Variants in FERMT2 observed in about 807,000 individuals in gnomAD.
FERMT2 encodes the protein FERM domain containing kindlin 2.
A neutral mutation model predicts 82.7 loss-of-function variants in FERMT2; 15 were observed. The observed-to-expected ratio is 0.18, with a 90% CI of 0.12 to 0.28. The LOEUF is 0.28. Ranked by LOEUF, FERMT2 falls within the 10% of genes least tolerant of loss-of-function variation. The pLI is 1.00. For missense variants in FERMT2, 645 were observed against 809.4 expected (o/e 0.80, Z 2.46); for synonymous variants, 274 against 271.5 (o/e 1.01, Z -0.09).
chr14:52,913,022 C>G (rs1405339378), intron 3 of FERMT2, among the ~76,000 whole-genome samples: 1 of 152,166 alleles, frequency 6.6e-6, no homozygotes, highest in East Asian at 1.9e-4. Context: ...TGATTTTGAT[C>G]CTTGAATGAA....
At chr14:52,938,198 A>G (rs1889934787) in intron 2 of FERMT2, among the ~76,000 whole-genome samples, 1 of 152,236 alleles carries the variant, frequency 6.6e-6, no homozygotes, top group African/African-American at 2.4e-5. Flanking sequence ...AGGCAAGAAA[A>G]TCTTTTAAAA....
chr14:52,863,966 TTC>T (rs1218491821), intron 12 of FERMT2, among the ~76,000 whole-genome samples: 1 of 152,200 alleles, frequency 6.6e-6, no homozygotes, highest in Non-Finnish European at 1.5e-5. Context: ...TTCTCAACTA[TTC>T]TGTGTCCTTA....
At chr14:52,878,479 T>C (rs1343485382) in intron 7 of FERMT2, 103 bp downstream of exon 7, 1 of 726,730 alleles carries the variant, frequency 1.4e-6, no homozygotes, top group Non-Finnish European at 2.3e-6. Flanking sequence ...GCAAAAATTC[T>C]GTCTCGTGAA....
chr14:52,936,746 T>G (rs997405833), intron 2 of FERMT2, among the ~76,000 whole-genome samples: 1 of 152,178 alleles, frequency 6.6e-6, no homozygotes, highest in South Asian at 2.1e-4. Flanking sequence ...TTAAAAGTCA[T>G]TTCCCTCCCT....
intron 2 of FERMT2, among the ~76,000 whole-genome samples, chr14:52,945,336 C>T (rs949959194): frequency 4.0e-5 from 6 of 151,778 alleles, no homozygotes; most frequent in Non-Finnish European, 8.8e-5. Context: ...TTGCAACATC[C>T]GCCTCCCAGG....
intron 6 of FERMT2, among the ~76,000 whole-genome samples, chr14:52,880,650 G>A (rs557602894): frequency 6.6e-6 from 1 of 152,134 alleles, no homozygotes. Context: ...GCCCACCTTG[G>A]GTTCTCAAAG....
At chr14:52,860,521 C>A in intron 12 of FERMT2, 56 bp from the exon 13 acceptor site, 1 of 1,501,496 alleles carries the variant, frequency 6.7e-7, no homozygotes, top group Non-Finnish European at 9.0e-7. Context: ...CATGGGAGAA[C>A]TGAGACAAAA....
intron 3 of FERMT2, among the ~76,000 whole-genome samples, chr14:52,907,327 A>G (rs958863972): frequency 1.3e-5 from 2 of 152,166 alleles, no homozygotes; most frequent in African/African-American, 4.8e-5. Context: ...AAACTTCTAT[A>G]AACAAACAAA....
chr14:52,903,612 C>A (rs1490808720), intron 3 of FERMT2, among the ~76,000 whole-genome samples: 1 of 150,600 alleles, frequency 6.6e-6, no homozygotes, highest in African/African-American at 2.4e-5. Context: ...ACATTGGAAG[C>A]CAAAAGATAA....
At chr14:52,878,757 T>C in intron 6 of FERMT2, 68 bp from the exon 7 acceptor site, 4 of 759,370 alleles carry the variant, frequency 5.3e-6, no homozygotes, top group Non-Finnish European at 6.2e-6. Flanking sequence ...AAACTCTGAA[T>C]ATTCAATTGA....
chr14:52,918,973 T>C, intron 3 of FERMT2, 150 bp downstream of exon 3: 1 of 509,646 alleles, frequency 2.0e-6, no homozygotes, highest in Non-Finnish European at 3.5e-6. Context: ...TATCTTAATA[T>C]AAAAACTTTA....
intron 3 of FERMT2, among the ~76,000 whole-genome samples, chr14:52,902,892 C>CAAAAAAAA (rs1355070805): frequency 8.2e-5 from 3 of 36,772 alleles, no homozygotes; most frequent in African/African-American, 1.8e-4. Flanking sequence ...AAAAAAAAAA[C>CAAAAAAAA]CCCAAAACAC....
chr14:52,936,693 C>G (rs990879712), intron 2 of FERMT2, among the ~76,000 whole-genome samples: 3 of 152,128 alleles, frequency 2.0e-5, no homozygotes, highest in Admixed American at 6.6e-5. Flanking sequence ...CCCACATCTC[C>G]TCCCATTTTT....
chr14:52,881,745 C>G, intron 4 of FERMT2: 1 of 1,335,254 alleles, frequency 7.5e-7, no homozygotes, highest in Non-Finnish European at 9.8e-7. Context: ...AAGGATATAG[C>G]TGAAGCAGAC....
At chr14:52,881,752 A>G in intron 4 of FERMT2, 1 of 1,336,584 alleles carries the variant, frequency 7.5e-7, no homozygotes, top group Non-Finnish European at 9.8e-7. Context: ...TAGCTGAAGC[A>G]GACAGACCAA....
chr14:52,910,143 C>A (rs999742271), intron 3 of FERMT2, among the ~76,000 whole-genome samples: 3 of 152,162 alleles, frequency 2.0e-5, no homozygotes, highest in Non-Finnish European at 4.4e-5. Context: ...TTATGTACAG[C>A]TTAATTTACC....
Position 52,881,028 on chromosome 14 carries a change from C to T in FERMT2, c.855+8G>A. The T allele has an allele frequency of 6.3e-6, 10 of 1,586,896 alleles. No individual in the cohort carries two copies. Among genetic ancestry groups the T allele is most frequent in the Non-Finnish European group, 6.9e-6 (8 of 1,160,378 alleles). Reference sequence around the variant, plus strand: ...GAAAAAAAAAAGATCCCTTTAAACCCTCGGTACCTTTGGATTCAAATCAAA... The same window carrying T: ...GAAAAAAAAAAGATCCCTTTAAACCTTCGGTACCTTTGGATTCAAATCAAA... On this transcript the variant is annotated splice_region_variant and intron_variant, in intron 6 of 14. Coordinates refer to ENST00000341590, the MANE Select transcript of FERMT2 (RefSeq NM_006832.3).
intron 12 of FERMT2, among the ~76,000 whole-genome samples, chr14:52,864,039 G>C (rs573660116): frequency 6.6e-6 from 1 of 151,712 alleles, no homozygotes; most frequent in South Asian, 2.1e-4. Context: ...CTGACTAAAG[G>C]TTACTTTATT....
intron 2 of FERMT2, among the ~76,000 whole-genome samples, chr14:52,922,848 T>C (rs905767358): frequency 4.6e-5 from 7 of 152,210 alleles, no homozygotes; most frequent in African/African-American, 1.7e-4. Context: ...ACAGTTTTTG[T>C]ACAGTCATGA....
Sources: gnomAD v4.1 joint callset for allele counts (sites outside exome capture counted in the v4.1 genomes callset) on GRCh38, gnomAD v4.1.1 for gene constraint, MANE v1.5 for transcripts, NCBI Gene and HGNC (gene_info 2026-07-23, HGNC 2026-07-21) for gene names.